Variants in FOXP1 observed in about 807,000 individuals in gnomAD.
FOXP1 encodes forkhead box protein P1.
In FOXP1, 15 loss-of-function variants were observed where a neutral mutation model predicts 98.2. That is an observed-to-expected ratio of 0.15 (90% CI 0.10 to 0.24). The LOEUF (loss-of-function observed/expected upper bound fraction) is 0.24. Among genes scored for constraint, FOXP1 ranks in the 10% least tolerant of loss-of-function variants. FOXP1 has a pLI of 1.00. For synonymous variants in FOXP1, 371 were observed against 314.5 expected, an observed-to-expected ratio of 1.18 and a Z score of -1.90; for missense variants, 633 against 848.5, an observed-to-expected ratio of 0.75 and a Z score of 3.15.
intron 4 of FOXP1, among the ~76,000 whole-genome samples, chr3:71,348,549 GCGTGCGCGCGCGCACGCATA>G (rs1285563634): frequency 8.9e-6 from 1 of 111,788 alleles, no homozygotes; most frequent in African/African-American, 3.6e-5. Context: ...GTGTGTGTGT[GCGTGCGCGCGCGCACGCATA>G]TGCATGTGTG....
At chr3:71,033,380 C>A (rs1394474334) in intron 11 of FOXP1, among the ~76,000 whole-genome samples, 1 of 151,926 alleles carries the variant, frequency 6.6e-6, no homozygotes, top group African/African-American at 2.4e-5. Flanking sequence ...TTCAAATCAA[C>A]CAAATTTAAG....
intron 3 of FOXP1, among the ~76,000 whole-genome samples, chr3:71,385,561 T>C (rs1271407812): frequency 3.9e-5 from 6 of 152,080 alleles, no homozygotes; most frequent in Non-Finnish European, 8.8e-5. Context: ...CAAGAATACA[T>C]ATGTGAGCAT....
At chr3:71,293,887 C>T (rs1183084105) in intron 5 of FOXP1, among the ~76,000 whole-genome samples, 1 of 152,130 alleles carries the variant, frequency 6.6e-6, no homozygotes, top group East Asian at 1.9e-4. Flanking sequence ...AGTTCTGTCC[C>T]TTGTAAGAAT....
chr3:71,285,644 A>T (rs1026637929), intron 5 of FOXP1, among the ~76,000 whole-genome samples: 4 of 152,252 alleles, frequency 2.6e-5, no homozygotes, highest in African/African-American at 2.4e-5. Flanking sequence ...TCATGTACAT[A>T]AAAATAATAC....
At chr3:71,308,639 T>C (rs1176970659) in intron 4 of FOXP1, among the ~76,000 whole-genome samples, 1 of 152,028 alleles carries the variant, frequency 6.6e-6, no homozygotes, top group Non-Finnish European at 1.5e-5. Flanking sequence ...GAGAATAAAC[T>C]GTCGCCCAAG....
intron 6 of FOXP1, among the ~76,000 whole-genome samples, chr3:71,128,153 G>C (rs371556304): frequency 1.3e-5 from 2 of 152,130 alleles, no homozygotes; most frequent in Non-Finnish European, 2.9e-5. Context: ...CTAGAATCAC[G>C]CACATCACTT....
At chr3:70,975,262 G>A (rs888430570) in intron 17 of FOXP1, among the ~76,000 whole-genome samples, 1 of 152,062 alleles carries the variant, frequency 6.6e-6, no homozygotes, top group Non-Finnish European at 1.5e-5. Context: ...CTCATGCTTC[G>A]ACTTCCTAAA....
chr3:71,014,082 G>A (rs894378291), intron 12 of FOXP1, among the ~76,000 whole-genome samples: 6 of 152,102 alleles, frequency 3.9e-5, no homozygotes, highest in Non-Finnish European at 7.4e-5. Flanking sequence ...ACCATTCAGG[G>A]CATAGGCATG....
intron 14 of FOXP1, among the ~76,000 whole-genome samples, chr3:70,979,793 A>G (rs1250491696): frequency 3.4e-5 from 5 of 146,392 alleles, no homozygotes; most frequent in Non-Finnish European, 6.1e-5. Context: ...AAAAAAAAAA[A>G]GGGAGGGGGG....
intron 1 of FOXP1, chr3:71,582,461 A>G: frequency 1.0e-6 from 1 of 985,298 alleles, no homozygotes; most frequent in Non-Finnish European, 1.2e-6. Flanking sequence ...GGACAGGAAT[A>G]GAGCGCAGGG....
At chr3:71,236,962 G>T (rs1212034953) in intron 5 of FOXP1, among the ~76,000 whole-genome samples, 1 of 151,172 alleles carries the variant, frequency 6.6e-6, no homozygotes, top group Non-Finnish European at 1.5e-5. Context: ...GGCCAGGTGC[G>T]GTGGCTCATG....
intron 3 of FOXP1, among the ~76,000 whole-genome samples, chr3:71,388,884 G>A (rs763962342): frequency 4.8e-4 from 70 of 146,448 alleles, no homozygotes; most frequent in Middle Eastern, 3.6e-3. Context: ...CGTGTAGAGC[G>A]AATGGTCTTT....
chr3:71,308,777 G>A (rs967513052), intron 4 of FOXP1, among the ~76,000 whole-genome samples: 2 of 150,578 alleles, frequency 1.3e-5, no homozygotes, highest in African/African-American at 4.9e-5. Flanking sequence ...GTGTGTGTGT[G>A]TGTGTGTGTG....
At position 71,487,287 on chromosome 3, in the gene FOXP1, C is replaced by A. The variant is rs540529678; in HGVS notation, c.-168+6139G>T. Among the ~76,000 whole-genome samples, 8 of 152,306 alleles carry A rather than the reference C, an allele frequency of 5.3e-5. No homozygotes were observed. The East Asian group carries it at 9.6e-4, about 18-fold the overall frequency. ...ATTGCCCAGGCTGGTCTCAAACTCC[C>A]GGCCTCAAGCAATCCTCCCACCTTG... is the stretch of plus-strand genomic sequence containing the variant. On this transcript the variant is annotated intron_variant, in intron 3 of 20. Coordinates refer to ENST00000649528, the MANE Select transcript of FOXP1 (RefSeq NM_001349338.3).
chr3:71,276,361 C>T (rs2107348085), intron 5 of FOXP1: 1 of 151,890 alleles, frequency 6.6e-6, no homozygotes, highest in East Asian at 1.9e-4. Flanking sequence ...TTTCTGGTTA[C>T]AAGAGAGAAA....
chr3:70,965,955 C>A lies in FOXP1; in HGVS notation c.1824G>T (p.Gly608=). The change falls in exon 20 of 21, where the codon GGG becomes GGT. Residue 608 remains glycine, a synonymous_variant. Transcript: ENST00000649528. ...CGTTGCTGTTGGTATGCTCCATTGC[C>A]CCGTTCAGCTCTTCCCGTATTGCGC... is the stretch of plus-strand genomic sequence containing the variant. ...LASAIREELN[G]AMEHTNSNES... 6.2e-7 allele frequency: 1 copy of A among 1,614,084 alleles called. No individual in the cohort carries two copies. The highest frequency in any genetic ancestry group is 1.1e-5 in the South Asian group (1 of 91,078).
chr3:71,215,473 C>T (rs2108481053), intron 5 of FOXP1, among the ~76,000 whole-genome samples: 1 of 152,256 alleles, frequency 6.6e-6, no homozygotes, highest in South Asian at 2.1e-4. Flanking sequence ...GCACAGTGTT[C>T]TGAGAGCACA....
At chr3:71,196,193 A>G (rs998853196) in intron 6 of FOXP1, among the ~76,000 whole-genome samples, 20 of 152,258 alleles carry the variant, frequency 1.3e-4, no homozygotes, top group African/African-American at 4.8e-4. Flanking sequence ...AAGTCTAATC[A>G]TAATACATTT....
At chr3:70,982,703 T>TTTAA (rs1035820968) in intron 14 of FOXP1, among the ~76,000 whole-genome samples, 2 of 152,120 alleles carry the variant, frequency 1.3e-5, no homozygotes, top group Non-Finnish European at 2.9e-5. Flanking sequence ...CCTTTTTTTT[T>TTTAA]TTAATTAATT....
Sources: gnomAD v4.1 joint callset for allele counts (sites outside exome capture counted in the v4.1 genomes callset) on GRCh38, gnomAD v4.1.1 for gene constraint, MANE v1.5 for transcripts, NCBI Gene and HGNC (gene_info 2026-07-23, HGNC 2026-07-21) for gene names.